PITPNB: variants seen among roughly 807,000 people sequenced by gnomAD.
The protein encoded by PITPNB is phosphatidylinositol transfer protein beta isoform.
PITPNB carries 16 observed loss-of-function variants against 45.9 expected under a neutral mutation model. That is an observed-to-expected ratio of 0.35 (90% CI 0.24 to 0.53). PITPNB has a LOEUF of 0.53. Ranked by LOEUF, PITPNB falls within the 20% of genes least tolerant of loss-of-function variation. The pLI is 0.93. For synonymous variants in PITPNB, 112 were observed against 108.9 expected, an observed-to-expected ratio of 1.03 and a Z score of -0.18; for missense variants, 188 against 330.5, an observed-to-expected ratio of 0.57 and a Z score of 3.34.
intron 10 of PITPNB, among the ~76,000 whole-genome samples, chr22:27,856,792 T>A (rs536386967): frequency 0.012 from 1,864 of 152,286 alleles, 23 homozygotes; most frequent in South Asian, 0.026. Context: ...ACCAGCTGCT[T>A]GGAAGAGCCA....
At chr22:27,878,758 C>T (rs530364117) in intron 7 of PITPNB, among the ~76,000 whole-genome samples, 121 of 152,320 alleles carry the variant, frequency 7.9e-4, no homozygotes, top group Middle Eastern at 3.4e-3. Context: ...CAGAAGCATT[C>T]ATTTGCATAT....
rs1352770241 is a variant in PITPNB at position 27,885,885 on chromosome 22, T to C, written c.456+8670A>G. On this transcript the variant is annotated intron_variant, in intron 7 of 11. Transcript: ENST00000335272. ...TACCAAACCTTTATGGAAGAGCTTA[T>C]GCCACGCCATGCATCCAGCATCTTG... Among the ~76,000 whole-genome samples the C allele has an allele frequency of 1.8e-4, 28 of 152,218 alleles. 1 individual carries two copies. The highest frequency in any genetic ancestry group is 5.9e-5 in the Non-Finnish European group (4 of 68,040).
At chr22:27,910,785 A>G (rs2146426428) in intron 3 of PITPNB, 179 bp downstream of exon 3, 1 of 520,488 alleles carries the variant, frequency 1.9e-6, no homozygotes, top group East Asian at 2.9e-5. Context: ...TGTTATAAGC[A>G]GATATAATCC....
chr22:27,902,917 C>T (rs1935643615), intron 3 of PITPNB, among the ~76,000 whole-genome samples: 1 of 152,168 alleles, frequency 6.6e-6, no homozygotes, highest in African/African-American at 2.4e-5. Flanking sequence ...GATGGGGTCG[C>T]AGTATGTTTT....
rs151120893 is a variant in PITPNB, at chr22:27,865,525, C to T, written c.535-5284G>A. Among the ~76,000 whole-genome samples the T allele has an allele frequency of 6.8e-3, 1,034 of 152,224 alleles. 7 individuals carry two copies. The highest frequency in any genetic ancestry group is 0.023 in the African/African-American group (940 of 41,530). On this transcript the variant is annotated intron_variant, in intron 8 of 11. Transcript: ENST00000335272. ...AACATGCTAGTGAAGAAATGTGTAA[C>T]CTTTAAAATGTGAAAAATCTCAATG...
intron 10 of PITPNB, among the ~76,000 whole-genome samples, chr22:27,856,577 T>C (rs114939048): frequency 0.048 from 7,380 of 152,280 alleles, 295 homozygotes; most frequent in South Asian, 0.12. Context: ...CCAAACCAGA[T>C]AGGGCTTATC....
intron 7 of PITPNB, among the ~76,000 whole-genome samples, chr22:27,885,801 T>C (rs1171974386): frequency 6.6e-6 from 1 of 152,216 alleles, no homozygotes; most frequent in South Asian, 2.1e-4. Flanking sequence ...CCAAAAAGCC[T>C]TTTCTTCTTC....
chr22:27,918,430 C>T (rs899990066), intron 1 of PITPNB, among the ~76,000 whole-genome samples: 11 of 152,312 alleles, frequency 7.2e-5, no homozygotes, highest in African/African-American at 2.4e-4. Context: ...GTTTACAGTC[C>T]TTGCCAGTAG....
chr22:27,897,218 A>G (rs1935460716), intron 4 of PITPNB, 81 bp from the exon 5 acceptor site: 1 of 894,744 alleles, frequency 1.1e-6, no homozygotes, highest in African/African-American at 1.6e-5. Flanking sequence ...CTGTCCCAAT[A>G]CTTAATGTCA....
In PITPNB at chr22:27,897,651, A is replaced by T. The variant is rs1290881371; in HGVS notation, c.289+150T>A. The T allele has an allele frequency of 9.4e-6, 6 of 635,374 alleles. No individual in the cohort carries two copies. In the East Asian group the frequency reaches 1.6e-4, roughly 17 times the overall value. 39.4% of individuals were successfully genotyped at this position (635,374 alleles called of 1,614,324 possible). ...AGTTCTAGGGGGAGGAACCCAATGC[A>T]GCCCTTCCTCTGCCATCATTCTAGC... On this transcript the variant is annotated intron_variant, in intron 4 of 11. Coordinates refer to ENST00000335272, the MANE Select transcript of PITPNB (RefSeq NM_012399.5).
intron 4 of PITPNB, among the ~76,000 whole-genome samples, chr22:27,897,447 C>T (rs1935467923): frequency 6.6e-6 from 1 of 152,206 alleles, no homozygotes; most frequent in Non-Finnish European, 1.5e-5. Context: ...GATGCTGTTT[C>T]AGAAGTCTGT....
At chr22:27,862,674 T>C (rs539894492) in intron 8 of PITPNB, among the ~76,000 whole-genome samples, 47 of 152,188 alleles carry the variant, frequency 3.1e-4, no homozygotes, top group Non-Finnish European at 6.2e-4. Flanking sequence ...TATACACACA[T>C]ACAAACCCAT....
At chr22:27,898,004 G>T in intron 3 of PITPNB, 112 bp from the exon 4 acceptor site, 1 of 714,470 alleles carries the variant, frequency 1.4e-6, no homozygotes. Flanking sequence ...TTCTAAGTCT[G>T]ATGAACTAGT....
chr22:27,861,269 C>T (rs1934323981), intron 8 of PITPNB, among the ~76,000 whole-genome samples: 1 of 151,916 alleles, frequency 6.6e-6, no homozygotes, highest in Non-Finnish European at 1.5e-5. Flanking sequence ...TCATTGCCCT[C>T]CAGCCTGGGC....
At chr22:27,897,476 T>C (rs1041655243) in intron 4 of PITPNB, among the ~76,000 whole-genome samples, 1 of 152,244 alleles carries the variant, frequency 6.6e-6, no homozygotes, top group Admixed American at 6.5e-5. Flanking sequence ...TCCTCTATTA[T>C]GTAGCAATTT....
intron 7 of PITPNB, among the ~76,000 whole-genome samples, chr22:27,879,591 C>T (rs1362157908): frequency 3.3e-5 from 5 of 152,038 alleles, no homozygotes; most frequent in Non-Finnish European, 7.4e-5. Context: ...TATATTATAA[C>T]ACTTAAAAAT....
chr22:27,868,174 A>G (rs1341930436), intron 8 of PITPNB, among the ~76,000 whole-genome samples: 1 of 152,218 alleles, frequency 6.6e-6, no homozygotes, highest in Non-Finnish European at 1.5e-5. Context: ...TGGACCTCAC[A>G]GACAAGTCGA....
intron 3 of PITPNB, chr22:27,898,113 T>A: frequency 2.1e-6 from 1 of 467,166 alleles, no homozygotes; most frequent in East Asian, 4.2e-5. Context: ...TGGTGGCTCA[T>A]GCCTGTAATC....
At chr22:27,889,979 T>C (rs554447990) in intron 7 of PITPNB, among the ~76,000 whole-genome samples, 11 of 152,330 alleles carry the variant, frequency 7.2e-5, no homozygotes, top group Middle Eastern at 3.4e-3. Context: ...GTGGTCCAGG[T>C]GTTTGGGACA....
Sources: gnomAD v4.1 joint callset for allele counts (sites outside exome capture counted in the v4.1 genomes callset) on GRCh38, gnomAD v4.1.1 for gene constraint, MANE v1.5 for transcripts, NCBI Gene and HGNC (gene_info 2026-07-23, HGNC 2026-07-21) for gene names.